KBTBD12: variants seen among roughly 807,000 people sequenced by gnomAD.
KBTBD12 encodes the protein kelch repeat and BTB domain containing 12, also known as kelch repeat and BTB domain-containing protein 12.
Under a neutral mutation model 58.7 loss-of-function variants are expected in KBTBD12, and 53 were observed. The ratio of observed to expected loss-of-function variants is 0.90; its 90% CI spans 0.72 to 1.14. The LOEUF is 1.14. Ranked by LOEUF, KBTBD12 falls within the 50% of genes most tolerant of loss-of-function variation. KBTBD12 has a pLI of 0.00. For synonymous variants in KBTBD12, 236 were observed against 259.8 expected, an observed-to-expected ratio of 0.91 and a Z score of 0.88; for missense variants, 704 against 751.3, an observed-to-expected ratio of 0.94 and a Z score of 0.74.
intron 5 of KBTBD12, among the ~76,000 whole-genome samples, chr3:127,971,230 C>T (rs919335450): frequency 1.3e-5 from 2 of 152,090 alleles, no homozygotes; most frequent in African/African-American, 2.4e-5. Flanking sequence ...AACACTGTGG[C>T]CTTAGGTACC....
At position 127,949,149 on chromosome 3, in the gene KBTBD12, C is replaced by T. The variant is rs150129277; in HGVS notation, c.1493-14040C>T. 9.2e-5 allele frequency among the ~76,000 whole-genome samples: 14 copies of T among 152,262 alleles called. No individual in the cohort carries two copies. The East Asian group carries it at 1.7e-3, about 19-fold the overall frequency. Reference sequence around the variant, plus strand: ...TGATTGCTACTTACAGAGGCCTATACAAATCTAGGGGTTTGGAAAAGATGT... The same window carrying T: ...TGATTGCTACTTACAGAGGCCTATATAAATCTAGGGGTTTGGAAAAGATGT... On this transcript the variant is annotated intron_variant, in intron 4 of 5. Transcript: ENST00000405109.
intron 2 of KBTBD12, among the ~76,000 whole-genome samples, 173 bp downstream of exon 2, chr3:127,924,304 G>C (rs1383589817): frequency 6.7e-6 from 1 of 148,610 alleles, no homozygotes; most frequent in Non-Finnish European, 1.5e-5. Context: ...GTGTGTGTGT[G>C]TATACATTTA....
chr3:127,983,965 G>A, intron 5 of KBTBD12, 132 bp from the exon 6 acceptor site: 1 of 695,322 alleles, frequency 1.4e-6, no homozygotes, highest in East Asian at 2.6e-5. Flanking sequence ...CCAGTCCTGG[G>A]TATTCTGTTA....
chr3:127,980,913 A>G (rs931459891), intron 5 of KBTBD12, among the ~76,000 whole-genome samples: 2 of 152,214 alleles, frequency 1.3e-5, no homozygotes, highest in Non-Finnish European at 2.9e-5. Flanking sequence ...TCATTTTTAG[A>G]AATTTCACAT....
rs755596734 is a variant in KBTBD12, at chr3:127,927,941, G to T, written c.1248G>T (p.Trp416Cys). 2.5e-6 allele frequency: 4 copies of T among 1,613,248 alleles called. No homozygotes were observed. The highest frequency in any genetic ancestry group is 3.4e-6 in the Non-Finnish European group (4 of 1,179,388). ...VDKYSVERDN[W>C]KRVSPLPLQL... is the part of the protein sequence containing the mutation. ...AGTACTCTGTAGAACGGGACAATTG[G>T]AAAAGGGTGTCTCCCCTTCCACTGC... The change falls in exon 3 of 6, where the codon TGG becomes TGT. Residue 416 changes from tryptophan (W) to cysteine (C), a missense_variant. By Grantham distance (215) the Trp-to-Cys change is radical. Coordinates refer to ENST00000405109, the MANE Select transcript of KBTBD12 (RefSeq NM_207335.4).
At chr3:127,925,763 C>T (rs1003545693) in intron 2 of KBTBD12, among the ~76,000 whole-genome samples, 1 of 152,124 alleles carries the variant, frequency 6.6e-6, no homozygotes, top group Admixed American at 6.6e-5. Flanking sequence ...AGAAGCATTG[C>T]TTTAGGCTTA....
intron 5 of KBTBD12, among the ~76,000 whole-genome samples, chr3:127,967,409 A>G (rs113384927): frequency 1.3e-5 from 2 of 152,192 alleles, no homozygotes; most frequent in African/African-American, 4.8e-5. Context: ...TAATAAACAT[A>G]CTCAATACTG....
chr3:127,977,824 A>T (rs551730021), intron 5 of KBTBD12, among the ~76,000 whole-genome samples: 47 of 152,222 alleles, frequency 3.1e-4, no homozygotes, highest in African/African-American at 1.1e-3. Flanking sequence ...GAAGCTCTTT[A>T]GTTTAATTAG....
rs1180888598 is a variant in KBTBD12 at position 127,984,430 on chromosome 3, G to T, written c.*152G>T. On this transcript the variant is annotated 3_prime_UTR_variant, in exon 6 of 6. Coordinates refer to ENST00000405109, the MANE Select transcript of KBTBD12 (RefSeq NM_207335.4). Reference sequence around the variant, plus strand: ...GTGTGTGCTGGGCACTGGGTGGGGAGCATGGGGAGTCTCCCTTCAGGGACT... The same window carrying T: ...GTGTGTGCTGGGCACTGGGTGGGGATCATGGGGAGTCTCCCTTCAGGGACT... 1.2e-5 allele frequency: 8 copies of T among 681,944 alleles called. No homozygotes were observed. The Admixed American group carries it at 2.1e-4, about 18-fold the overall frequency. 42.2% of individuals were successfully genotyped at this position (681,944 alleles called of 1,614,324 possible). A position where few individuals can be genotyped will look rare whatever the true frequency, so the allele number is the denominator to read the frequency against.
chr3:127,951,883 C>G (rs906352640), intron 4 of KBTBD12, among the ~76,000 whole-genome samples: 1 of 151,962 alleles, frequency 6.6e-6, no homozygotes, highest in South Asian at 2.1e-4. Flanking sequence ...CTAGATTTTC[C>G]AAGGTCTGAC....
intron 4 of KBTBD12, among the ~76,000 whole-genome samples, chr3:127,946,255 C>A (rs982673174): frequency 1.3e-5 from 2 of 152,180 alleles, no homozygotes; most frequent in Non-Finnish European, 2.9e-5. Context: ...AGGCTTCCAA[C>A]CTTTCAATAA....
chr3:127,933,669 G>A (rs1196731039), intron 4 of KBTBD12, among the ~76,000 whole-genome samples: 2 of 152,248 alleles, frequency 1.3e-5, no homozygotes, highest in African/African-American at 4.8e-5. Context: ...TGTCATAGCA[G>A]ACTTGGAAAC....
chr3:127,978,558 T>C (rs1940822107), intron 5 of KBTBD12, among the ~76,000 whole-genome samples: 2 of 152,228 alleles, frequency 1.3e-5, no homozygotes, highest in Non-Finnish European at 2.9e-5. Context: ...CCTCTTTTTC[T>C]GTTCCAAGGA....
chr3:127,950,273 A>C (rs1295221541), intron 4 of KBTBD12, among the ~76,000 whole-genome samples: 1 of 152,182 alleles, frequency 6.6e-6, no homozygotes, highest in Non-Finnish European at 1.5e-5. Context: ...GAATTATCTC[A>C]GGGAGGGAAG....
At chr3:127,962,565 T>G (rs1269855599) in intron 4 of KBTBD12, among the ~76,000 whole-genome samples, 3 of 152,244 alleles carry the variant, frequency 2.0e-5, no homozygotes, top group African/African-American at 7.2e-5. Context: ...TCAGAACTCC[T>G]TATTATAACT....
intron 2 of KBTBD12, among the ~76,000 whole-genome samples, chr3:127,927,273 T>C (rs1365761151): frequency 2.0e-5 from 3 of 152,158 alleles, no homozygotes; most frequent in African/African-American, 7.2e-5. Context: ...AAATTCTACA[T>C]ATTCTAAATC....
Position 127,984,400 on chromosome 3 carries a change from A to C in KBTBD12, c.*122A>C. 2.2e-6 allele frequency: 2 copies of C among 927,324 alleles called. No homozygotes were observed. Among genetic ancestry groups the C allele is most frequent in the Non-Finnish European group, 3.2e-6 (2 of 619,706 alleles). 57.4% of individuals were successfully genotyped at this position (927,324 alleles called of 1,614,324 possible). On this transcript the variant is annotated 3_prime_UTR_variant, in exon 6 of 6. Transcript: ENST00000405109. ...CATGCGTAGTGGCCTGTGTGTGAAGAAGCAGTGTGTGCTGGGCACTGGGTG... is the reference window on the plus strand; with the variant it reads ...CATGCGTAGTGGCCTGTGTGTGAAGCAGCAGTGTGTGCTGGGCACTGGGTG...
intron 4 of KBTBD12, among the ~76,000 whole-genome samples, chr3:127,956,567 A>ACTAC: frequency 6.6e-6 from 1 of 152,292 alleles, no homozygotes; most frequent in Admixed American, 6.5e-5. Context: ...CTACAAGTTT[A>ACTAC]AAATGTGTTT....
intron 5 of KBTBD12, among the ~76,000 whole-genome samples, chr3:127,974,637 T>C (rs1479804471): frequency 1.3e-5 from 2 of 152,230 alleles, no homozygotes; most frequent in Non-Finnish European, 2.9e-5. Context: ...ACATCTGACC[T>C]GTTCTTTCCC....
Sources: allele counts gnomAD v4.1 joint callset (sites outside exome capture counted in the v4.1 genomes callset), GRCh38; gene constraint gnomAD v4.1.1; transcripts MANE v1.5; gene names NCBI Gene and HGNC (gene_info 2026-07-23, HGNC 2026-07-21).